Variants in HDAC9 observed in about 807,000 individuals in gnomAD.
HDAC9 encodes the protein histone deacetylase 9.
Under a neutral mutation model 139.4 loss-of-function variants are expected in HDAC9, and 41 were observed. The observed-to-expected ratio is 0.29, with a 90% CI of 0.23 to 0.38. The LOEUF (loss-of-function observed/expected upper bound fraction) is 0.38. Among genes scored for constraint, HDAC9 ranks in the 10% least tolerant of loss-of-function variants. HDAC9 has a pLI of 1.00. For synonymous variants in HDAC9, 517 were observed against 476.2 expected (o/e 1.09, Z -1.12); for missense variants, 1,147 against 1,297.0 (o/e 0.88, Z 1.78).
At chr7:18,279,966 TAAA>T (rs1796997953) in intron 2 of HDAC9, among the ~76,000 whole-genome samples, 1 of 151,996 alleles carries the variant, frequency 6.6e-6, no homozygotes, top group South Asian at 2.1e-4. Context: ...CTTAGAGATG[TAAA>T]AAAATAACTG....
intron 1 of HDAC9, among the ~76,000 whole-genome samples, chr7:18,157,645 A>G (rs1787305685): frequency 6.6e-6 from 1 of 152,208 alleles, no homozygotes; most frequent in South Asian, 2.1e-4. Flanking sequence ...AAAAGCAAGA[A>G]ACAGAGAAAT....
chr7:18,994,187 A>T (rs1786261546), intron 25 of HDAC9, among the ~76,000 whole-genome samples: 1 of 152,168 alleles, frequency 6.6e-6, no homozygotes, highest in Non-Finnish European at 1.5e-5. Context: ...AATTCCAGCC[A>T]CACTGAATCC....
chr7:18,741,786 T>C (rs1237189197), intron 13 of HDAC9, among the ~76,000 whole-genome samples: 1 of 152,164 alleles, frequency 6.6e-6, no homozygotes, highest in African/African-American at 2.4e-5. Flanking sequence ...ACATTCATGA[T>C]TCATGGGAGG....
At chr7:18,162,307 G>A (rs528445626) in exon 2 of HDAC9, 144 of 1,534,912 alleles carry the variant, frequency 9.4e-5, no homozygotes, top group Non-Finnish European at 1.1e-4. Flanking sequence ...CCTAGTCTTA[G>A]CAGTCCCTCT....
At chr7:18,869,862 T>C (rs1294374853) in intron 21 of HDAC9, among the ~76,000 whole-genome samples, 2 of 146,464 alleles carry the variant, frequency 1.4e-5, no homozygotes, top group Non-Finnish European at 3.0e-5. Context: ...TGCAAAGCAG[T>C]AGCTTTCTTT....
At chr7:18,505,489 T>A (rs1799512916) in intron 2 of HDAC9, among the ~76,000 whole-genome samples, 1 of 152,210 alleles carries the variant, frequency 6.6e-6, no homozygotes, top group Non-Finnish European at 1.5e-5. Flanking sequence ...TCTACTTATT[T>A]TGAATATATA....
chr7:18,391,085 T>C (rs1406329498), intron 1 of HDAC9, among the ~76,000 whole-genome samples: 1 of 152,036 alleles, frequency 6.6e-6, no homozygotes, highest in Non-Finnish European at 1.5e-5. Flanking sequence ...TGAGACTCCA[T>C]CTCAAAGAAC....
intron 1 of HDAC9, among the ~76,000 whole-genome samples, chr7:18,115,891 G>T (rs1307020963): frequency 1.3e-5 from 2 of 152,176 alleles, no homozygotes; most frequent in Admixed American, 1.3e-4. Flanking sequence ...AGCTTCCAGG[G>T]CTAACCTGTG....
intron 2 of HDAC9, among the ~76,000 whole-genome samples, chr7:18,263,184 CA>C (rs201775903): frequency 0.02 from 3,075 of 152,182 alleles, 43 homozygotes; most frequent in Middle Eastern, 0.054. Context: ...ATATGCCATG[CA>C]AACAGTGACT....
intron 16 of HDAC9, among the ~76,000 whole-genome samples, chr7:18,781,922 GAC>G (rs1338685628): frequency 2.6e-5 from 4 of 152,184 alleles, no homozygotes; most frequent in South Asian, 2.1e-4. Context: ...CACTTTACCT[GAC>G]ACAGTGCAAA....
rs1785890694 is a variant in HDAC9, at chr7:18,991,082, T to G, written c.3171-4941T>G. Among the ~76,000 whole-genome samples, 3 of 152,216 alleles carry G rather than the reference T, an allele frequency of 2.0e-5. No individual in the cohort carries two copies. The South Asian group carries it at 6.2e-4, about 32-fold the overall frequency. ...CTTGGCTCCTCTCGATCTTTATTCT[T>G]TTGTTGCAAATTCTTATTTTGTTCT... On this transcript the variant is annotated intron_variant, in intron 25 of 25. Transcript: ENST00000686413.
exon 2 of HDAC9, chr7:18,162,314 C>G: frequency 6.5e-7 from 1 of 1,535,246 alleles, no homozygotes; most frequent in Non-Finnish European, 8.7e-7. Context: ...TTAGCAGTCC[C>G]TCTGATTCTC....
At chr7:18,162,125 G>A (rs1476273129) in intron 1 of HDAC9, 4 of 564,144 alleles carry the variant, frequency 7.1e-6, no homozygotes, top group South Asian at 4.4e-5. Flanking sequence ...ACACATGGTC[G>A]CGCTGTGGCT....
Position 18,460,355 on chromosome 7 carries a change from G to A in HDAC9, c.-41-35907G>A, listed in dbSNP as rs542478254. Among the ~76,000 whole-genome samples, 4 of 152,184 alleles carry A rather than the reference G, an allele frequency of 2.6e-5. No individual in the cohort carries two copies. The South Asian group carries it at 8.3e-4, about 32-fold the overall frequency. ...TTGACAGGGGCTAAGCTTGGTTTCA[G>A]GGCAGAATAAACAATATTTTTTTCA... On this transcript the variant is annotated intron_variant, in intron 1 of 3. Transcript: ENST00000413509.
At chr7:18,719,736 T>G (rs1001405495) in intron 12 of HDAC9, among the ~76,000 whole-genome samples, 1 of 152,192 alleles carries the variant, frequency 6.6e-6, no homozygotes, top group African/African-American at 2.4e-5. Context: ...TATTATAGTT[T>G]TAGATCTTAC....
chr7:18,415,687 A>G (rs1352841972), intron 1 of HDAC9, among the ~76,000 whole-genome samples: 2 of 152,196 alleles, frequency 1.3e-5, no homozygotes, highest in Non-Finnish European at 2.9e-5. Flanking sequence ...TGAGAATGTT[A>G]TGATGCAGTA....
At chr7:18,159,688 G>A (rs147376598) in intron 1 of HDAC9, among the ~76,000 whole-genome samples, 2 of 152,256 alleles carry the variant, frequency 1.3e-5, no homozygotes, top group East Asian at 3.9e-4. Flanking sequence ...TACTTGTGCA[G>A]CTGTGGCAGT....
intron 1 of HDAC9, among the ~76,000 whole-genome samples, chr7:18,370,839 G>A (rs970218765): frequency 1.3e-5 from 2 of 152,164 alleles, no homozygotes; most frequent in African/African-American, 4.8e-5. Context: ...GGCATTGATG[G>A]ATGGACTTGT....
intron 14 of HDAC9, among the ~76,000 whole-genome samples, chr7:18,760,969 G>A (rs533092800): frequency 2.0e-5 from 3 of 152,298 alleles, no homozygotes; most frequent in South Asian, 2.1e-4. Flanking sequence ...TGATGTTTCC[G>A]GGTTACCTGG....
Sources: gnomAD v4.1 joint callset for allele counts (sites outside exome capture counted in the v4.1 genomes callset) on GRCh38, gnomAD v4.1.1 for gene constraint, MANE v1.5 for transcripts, NCBI Gene and HGNC (gene_info 2026-07-23, HGNC 2026-07-21) for gene names.